PLCL2: variants seen among roughly 807,000 people sequenced by gnomAD.
The protein encoded by PLCL2 is inactive phospholipase C-like protein 2.
In PLCL2, 4 loss-of-function variants were observed where a neutral mutation model predicts 79.6. The observed-to-expected ratio is 0.05, with a 90% confidence interval of 0.02 to 0.11. PLCL2 has a LOEUF of 0.11. PLCL2 is among the 10% of genes least tolerant of loss of function. The pLI is 1.00. For synonymous variants in PLCL2, 484 were observed against 457.7 expected (o/e 1.06, Z -0.73); for missense variants, 895 against 1,291.0 (o/e 0.69, Z 4.70).
chr3:16,949,091 C>T (rs1308404898), intron 1 of PLCL2, among the ~76,000 whole-genome samples: 1 of 152,112 alleles, frequency 6.6e-6, no homozygotes, highest in Admixed American at 6.6e-5. Context: ...TATTGATGGT[C>T]ATTTAGATTT....
chr3:16,951,603 G>C (rs998403581), intron 1 of PLCL2, among the ~76,000 whole-genome samples: 1 of 151,296 alleles, frequency 6.6e-6, no homozygotes, highest in Admixed American at 6.6e-5. Context: ...AATTTTTGGC[G>C]ACTTACTTTT....
intron 1 of PLCL2, among the ~76,000 whole-genome samples, chr3:16,950,951 G>A (rs953855589): frequency 1.3e-5 from 2 of 151,912 alleles, no homozygotes; most frequent in Admixed American, 6.6e-5. Flanking sequence ...GATGATCTAT[G>A]GTTTTCTTTT....
intron 1 of PLCL2, among the ~76,000 whole-genome samples, chr3:16,966,086 G>A: frequency 6.6e-6 from 1 of 151,836 alleles, no homozygotes; most frequent in Non-Finnish European, 1.5e-5. Context: ...GGGCATCCCT[G>A]TCTTGTGCCA....
In PLCL2 at chr3:17,010,909, C is replaced by T. The variant is rs1161484916; in HGVS notation, c.1563C>T (p.Asn521=). Residue 521 remains asparagine, a synonymous_variant, in exon 2 of 6, where the codon AAC becomes AAT. Transcript: ENST00000615277. The surrounding 1 kb of genome is among the most constrained non-coding windows in gnomAD (Gnocchi z 5.8). The part of the protein sequence containing the change: ...SEYPLILCLE[N]HCSIKQQKVM... The stretch of plus-strand genomic sequence containing the variant: ...ATCCTCTTATCTTGTGTTTAGAAAA[C>T]CACTGTTCCATTAAACAACAGAAGG... 1 of 1,613,934 alleles carries T rather than the reference C, an allele frequency of 6.2e-7. No individual in the cohort carries two copies. The highest frequency in any genetic ancestry group is 8.5e-7 in the Non-Finnish European group (1 of 1,179,980).
chr3:16,956,443 G>A (rs1385969719), intron 1 of PLCL2, among the ~76,000 whole-genome samples: 1 of 152,026 alleles, frequency 6.6e-6, no homozygotes, highest in African/African-American at 2.4e-5. Flanking sequence ...GTATTTTATT[G>A]AGGATTTTTG....
chr3:16,895,799 T>C (rs903395159), intron 1 of PLCL2, among the ~76,000 whole-genome samples: 1 of 152,232 alleles, frequency 6.6e-6, no homozygotes, highest in Non-Finnish European at 1.5e-5. Context: ...GACTGCCCTA[T>C]GCACTGCTTG....
intron 3 of PLCL2, among the ~76,000 whole-genome samples, chr3:17,041,809 T>G (rs2064724814): frequency 6.6e-6 from 1 of 152,126 alleles, no homozygotes; most frequent in Non-Finnish European, 1.5e-5. Flanking sequence ...CCAAGCATGG[T>G]GGCACACACC....
intron 1 of PLCL2, among the ~76,000 whole-genome samples, chr3:16,931,033 A>G (rs1697380387): frequency 6.6e-6 from 1 of 152,052 alleles, no homozygotes; most frequent in Non-Finnish European, 1.5e-5. Flanking sequence ...TCTGCTTGGA[A>G]GATAATGCTT....
chr3:17,036,032 C>G (rs1472433496), intron 3 of PLCL2, among the ~76,000 whole-genome samples: 1 of 152,030 alleles, frequency 6.6e-6, no homozygotes, highest in Admixed American at 6.6e-5. Flanking sequence ...TCATAAGAAA[C>G]CTAGGACAAG....
chr3:16,953,456 A>G (rs2063671256), intron 1 of PLCL2, among the ~76,000 whole-genome samples: 1 of 152,192 alleles, frequency 6.6e-6, no homozygotes, highest in South Asian at 2.1e-4. Flanking sequence ...GTGTGGTAGT[A>G]GGCCCACCTG....
intron 4 of PLCL2, among the ~76,000 whole-genome samples, chr3:17,043,515 A>T (rs1281698049): frequency 6.6e-6 from 1 of 152,158 alleles, no homozygotes; most frequent in Non-Finnish European, 1.5e-5. Context: ...AAAACCAAAA[A>T]ATTCAGTATT....
At chr3:16,926,047 A>T (rs1486005212) in intron 1 of PLCL2, among the ~76,000 whole-genome samples, 2 of 152,220 alleles carry the variant, frequency 1.3e-5, no homozygotes, top group Admixed American at 6.5e-5. Flanking sequence ...CTATAAATGA[A>T]ATGTTTCAAA....
chr3:16,964,210 C>T (rs1452391837), intron 1 of PLCL2, among the ~76,000 whole-genome samples: 1 of 147,820 alleles, frequency 6.8e-6, no homozygotes, highest in African/African-American at 2.5e-5. Context: ...GTCATGTTCC[C>T]CTTCCTGTGT....
At chr3:16,970,314 T>C (rs2063848284) in intron 1 of PLCL2, among the ~76,000 whole-genome samples, 1 of 151,914 alleles carries the variant, frequency 6.6e-6, no homozygotes, top group Non-Finnish European at 1.5e-5. Context: ...ATGCGGTGTT[T>C]GGTTTTTTGT....
chr3:16,895,943 G>A (rs188484332), intron 1 of PLCL2, among the ~76,000 whole-genome samples: 1 of 152,292 alleles, frequency 6.6e-6, no homozygotes, highest in East Asian at 1.9e-4. Flanking sequence ...GTTACACTTG[G>A]GGATAATAAT....
chr3:17,069,743 C>T (rs1281009130), intron 5 of PLCL2, among the ~76,000 whole-genome samples: 4 of 152,134 alleles, frequency 2.6e-5, no homozygotes, highest in African/African-American at 7.2e-5. Flanking sequence ...CAAAGCTAGT[C>T]GCCATTTGCA....
rs2063691942 is a variant in PLCL2 at position 16,955,125 on chromosome 3, G to A, written c.328-54549G>A. Among the ~76,000 whole-genome samples, 5 of 152,336 alleles carry A rather than the reference G, an allele frequency of 3.3e-5. No homozygotes were observed. The South Asian group carries it at 8.3e-4, about 25-fold the overall frequency. The stretch of plus-strand genomic sequence containing the variant: ...ACATGACTACGTCCTGAATGGTAAT[G>A]CCTAGGTTTTCTTCTAGGGTTTGTA... On this transcript the variant is annotated intron_variant, in intron 1 of 5. Transcript: ENST00000615277.
chr3:16,965,928 C>G (rs536655287), intron 1 of PLCL2, among the ~76,000 whole-genome samples: 7 of 152,148 alleles, frequency 4.6e-5, no homozygotes, highest in African/African-American at 1.7e-4. Context: ...GGGGCTGAGA[C>G]GATGGGATTT....
chr3:17,067,818 A>T, intron 4 of PLCL2, 138 bp from the exon 5 acceptor site: 1 of 534,468 alleles, frequency 1.9e-6, no homozygotes, highest in Non-Finnish European at 3.3e-6. Context: ...CCATTATTAC[A>T]TTCTTAAATG....
Sources: allele counts gnomAD v4.1 joint callset (sites outside exome capture counted in the v4.1 genomes callset), GRCh38; gene constraint gnomAD v4.1.1; non-coding constraint Gnocchi (gnomAD v3.1); transcripts MANE v1.5; gene names NCBI Gene and HGNC (gene_info 2026-07-23, HGNC 2026-07-21).